The following OTOGL variants were observed in gnomAD, a reference collection of about 807,000 sequenced individuals.
OTOGL encodes otogelin like, also known as otogelin-like protein.
Under a neutral mutation model 318.5 loss-of-function variants are expected in OTOGL, and 285 were observed. The ratio of observed to expected loss-of-function variants is 0.89; its 90% CI spans 0.81 to 0.99. OTOGL has a LOEUF of 0.99. Ranked by LOEUF, OTOGL falls within the 50% of genes least tolerant of loss-of-function variation. OTOGL has a pLI of 0.00. For missense variants in OTOGL, 2,899 were observed against 2,845.6 expected, an observed-to-expected ratio of 1.02 and a Z score of -0.43; for synonymous variants, 987 against 936.5, an observed-to-expected ratio of 1.05 and a Z score of -0.99.
At chr12:80,317,510 G>C (rs892755003) in intron 32 of OTOGL, among the ~76,000 whole-genome samples, 8 of 152,062 alleles carry the variant, frequency 5.3e-5, no homozygotes, top group African/African-American at 1.9e-4. Context: ...TTCTTATGTT[G>C]AATATTCATG....
At chr12:80,324,186 G>A (rs981952049) in intron 35 of OTOGL, among the ~76,000 whole-genome samples, 1 of 152,164 alleles carries the variant, frequency 6.6e-6, no homozygotes. Flanking sequence ...AATAAAGGAA[G>A]GTAAGGGAGA....
intron 35 of OTOGL, among the ~76,000 whole-genome samples, chr12:80,325,217 A>C (rs1887602973): frequency 6.6e-6 from 1 of 151,872 alleles, no homozygotes; most frequent in Non-Finnish European, 1.5e-5. Flanking sequence ...AAGATCTGTG[A>C]GATCTATGGC....
intron 35 of OTOGL, among the ~76,000 whole-genome samples, chr12:80,327,652 T>C (rs1887763606): frequency 6.6e-6 from 1 of 151,038 alleles, no homozygotes; most frequent in African/African-American, 2.4e-5. Context: ...TGCTTGGATG[T>C]GAGGGGAGTA....
At chr12:80,262,222 C>T (rs1433719345) in intron 19 of OTOGL, 129 bp downstream of exon 19, 2 of 984,730 alleles carry the variant, frequency 2.0e-6, no homozygotes, top group Non-Finnish European at 1.3e-6. Flanking sequence ...AATGCCATTC[C>T]TCGTGTATTT....
chr12:80,350,357 A>G (rs780045010), intron 44 of OTOGL, among the ~76,000 whole-genome samples: 1 of 152,234 alleles, frequency 6.6e-6, no homozygotes, highest in Non-Finnish European at 1.5e-5. Flanking sequence ...ATAATGCTGC[A>G]GTAAACATGG....
rs374112948 is a variant in OTOGL, at chr12:80,219,871, A to C, written c.293A>C (p.Asp98Ala). 1 of 1,592,822 alleles carries C rather than the reference A, an allele frequency of 6.3e-7. No homozygotes were observed. Among genetic ancestry groups the C allele is most frequent in the South Asian group, 1.1e-5 (1 of 90,572 alleles). The change falls in exon 6 of 59, where the codon GAC becomes GCC. Residue 98 changes from aspartate to alanine, a missense_variant. By Grantham distance (126) the Asp-to-Ala change is moderately radical. Around this residue, in one of 3 missense-constraint regions of OTOGL, gnomAD observed 2,607 missense variants for 2,524.9 expected, o/e 1.03. Transcript: ENST00000547103. ...TTCTGTTCTAAGACTGGAACATGTG[A>C]CTGTCAAATATTTCAGGCTCTTGGG... ...GAFCSKTGTC[D>A]CQIFQALGTR...
chr12:80,304,681 G>C (rs924872614), intron 28 of OTOGL, among the ~76,000 whole-genome samples: 2 of 152,220 alleles, frequency 1.3e-5, no homozygotes, highest in East Asian at 3.9e-4. Flanking sequence ...TTCAGTCATT[G>C]CTGTCTTTCT....
At chr12:80,254,934 G>A in intron 15 of OTOGL, 106 bp from the exon 16 acceptor site, 1 of 970,708 alleles carries the variant, frequency 1.0e-6, no homozygotes, top group Non-Finnish European at 1.4e-6. Context: ...TTTACCCTAA[G>A]TTGATCTGCT....
chr12:80,249,932 G>A (rs909394384), intron 11 of OTOGL, among the ~76,000 whole-genome samples: 42 of 152,202 alleles, frequency 2.8e-4, no homozygotes, highest in African/African-American at 9.4e-4. Context: ...GATTTTCCAG[G>A]TGCGTCCGTC....
intron 18 of OTOGL, among the ~76,000 whole-genome samples, chr12:80,259,964 A>T (rs763388037): frequency 3.3e-5 from 5 of 152,044 alleles, no homozygotes; most frequent in Non-Finnish European, 7.4e-5. Flanking sequence ...TGAGCATTCA[A>T]AGTTAAATCT....
chr12:80,217,164 C>A (rs961377666), intron 4 of OTOGL, among the ~76,000 whole-genome samples: 1 of 151,922 alleles, frequency 6.6e-6, no homozygotes, highest in Non-Finnish European at 1.5e-5. Flanking sequence ...AACCTATCTG[C>A]GCCTGGAAGT....
At chr12:80,116,624 G>A (rs1225194728) in intron 1 of OTOGL, among the ~76,000 whole-genome samples, 1 of 152,100 alleles carries the variant, frequency 6.6e-6, no homozygotes, top group Non-Finnish European at 1.5e-5. Flanking sequence ...AAAAAGTGAG[G>A]CAAAAGCTTA....
chr12:80,189,603 T>A, intron 1 of OTOGL: 1 of 486,202 alleles, frequency 2.1e-6, no homozygotes, highest in Non-Finnish European at 2.7e-6. Context: ...ATTGCAAAAC[T>A]CATATTACTG....
At chr12:80,289,275 C>T (rs1302540240) in intron 26 of OTOGL, among the ~76,000 whole-genome samples, 1 of 152,152 alleles carries the variant, frequency 6.6e-6, no homozygotes, top group African/African-American at 2.4e-5. Flanking sequence ...GAAGCTTCAT[C>T]CCAGAGGGGC....
intron 42 of OTOGL, among the ~76,000 whole-genome samples, chr12:80,337,361 A>G (rs983582228): frequency 2.6e-5 from 4 of 152,106 alleles, no homozygotes; most frequent in African/African-American, 4.8e-5. Context: ...GTGGAAAAGC[A>G]TAGTAGCCAA....
intron 7 of OTOGL, 88 bp downstream of exon 7, chr12:80,222,333 A>G: frequency 8.1e-7 from 1 of 1,239,738 alleles, no homozygotes; most frequent in East Asian, 2.6e-5. Context: ...GATGCAAAAT[A>G]TATACTAATA....
intron 24 of OTOGL, among the ~76,000 whole-genome samples, chr12:80,273,858 C>T (rs945414373): frequency 6.6e-5 from 10 of 151,968 alleles, no homozygotes; most frequent in Non-Finnish European, 1.2e-4. Context: ...AGAACTTTTT[C>T]ATTATCATTA....
At chr12:80,120,368 C>T (rs1179173523) in intron 1 of OTOGL, among the ~76,000 whole-genome samples, 1 of 152,010 alleles carries the variant, frequency 6.6e-6, no homozygotes, top group African/African-American at 2.4e-5. Context: ...TAATATTCAT[C>T]ACATTCACCT....
intron 48 of OTOGL, 46 bp downstream of exon 48, chr12:80,356,566 T>A (rs1306441423): frequency 1.0e-5 from 14 of 1,364,126 alleles, no homozygotes; most frequent in Middle Eastern, 2.4e-4. Flanking sequence ...CATTGTTCAT[T>A]CAGAACAGTG....
Sources: allele counts gnomAD v4.1 joint callset (sites outside exome capture counted in the v4.1 genomes callset), GRCh38; gene constraint gnomAD v4.1.1; regional missense constraint gnomAD v4.1.1; transcripts MANE v1.5; gene names NCBI Gene and HGNC (gene_info 2026-07-23, HGNC 2026-07-21).